The following STPG2 variants were observed in gnomAD, a reference collection of about 807,000 sequenced individuals.
The protein encoded by STPG2 is sperm tail PG-rich repeat containing 2.
STPG2 carries 56 observed loss-of-function variants against 54.2 expected under a neutral mutation model. The observed-to-expected ratio is 1.03, with a 90% confidence interval of 0.83 to 1.29. The LOEUF is 1.29. Ranked by LOEUF, STPG2 falls within the 50% of genes most tolerant of loss-of-function variation. The pLI is 0.00. For missense variants in STPG2, 596 were observed against 544.9 expected (o/e 1.09, Z -0.93); for synonymous variants, 200 against 181.8 (o/e 1.10, Z -0.81).
intron 10 of STPG2, among the ~76,000 whole-genome samples, chr4:97,708,049 T>C (rs895905018): frequency 1.3e-5 from 2 of 152,116 alleles, no homozygotes; most frequent in Non-Finnish European, 2.9e-5. Flanking sequence ...GACTTTCTAC[T>C]CTCTTAAATG....
chr4:97,970,385 C>A (rs926210682), intron 7 of STPG2, among the ~76,000 whole-genome samples: 10 of 152,168 alleles, frequency 6.6e-5, no homozygotes, highest in African/African-American at 2.4e-4. Context: ...AAGCTGGAGG[C>A]ATCATGCTAC....
intron 9 of STPG2, among the ~76,000 whole-genome samples, chr4:97,811,083 A>G (rs1727723725): frequency 6.6e-6 from 1 of 152,116 alleles, no homozygotes; most frequent in African/African-American, 2.4e-5. Flanking sequence ...GCTCCTTTGT[A>G]AAAAGACATT....
rs771964953 is a variant in STPG2 at position 97,559,012 on chromosome 4, CT to C, written c.*45del. 8 of 1,445,660 alleles carry C rather than the reference CT, an allele frequency of 5.5e-6. No homozygotes were observed. In the African/African-American group the frequency reaches 1.1e-4, roughly 21 times the overall value. The allele number at this position is 1,445,660 out of a possible 1,614,324, so 89.6% of individuals were successfully genotyped here. On this transcript the variant is annotated 3_prime_UTR_variant, in exon 11 of 11. Coordinates refer to ENST00000295268, the MANE Select transcript of STPG2 (RefSeq NM_174952.3). ...TTTGTTAAAATGACAAAGAAATAAA[CT>C]GACTTCCATGAAGTTGTTTTTTAAG...
At chr4:98,124,896 T>G (rs1250308388) in intron 3 of STPG2, among the ~76,000 whole-genome samples, 2 of 152,196 alleles carry the variant, frequency 1.3e-5, no homozygotes, top group Non-Finnish European at 1.5e-5. Flanking sequence ...TTTTCTCTAA[T>G]CATGTCTGCC....
intron 10 of STPG2, among the ~76,000 whole-genome samples, chr4:97,627,940 C>T (rs1405681598): frequency 6.6e-6 from 1 of 152,024 alleles, no homozygotes; most frequent in Non-Finnish European, 1.5e-5. Context: ...CAGTGAATTC[C>T]CTATTCCTCT....
At chr4:98,142,896 T>G (rs1304648736) in intron 1 of STPG2, 146 bp downstream of exon 1, 1 of 724,858 alleles carries the variant, frequency 1.4e-6, no homozygotes, top group Non-Finnish European at 2.5e-6. Context: ...AATAAAAGTA[T>G]AGTGTTTTCC....
intron 3 of STPG2, among the ~76,000 whole-genome samples, chr4:98,110,524 G>T (rs1419936340): frequency 6.6e-6 from 1 of 152,072 alleles, no homozygotes; most frequent in East Asian, 1.9e-4. Flanking sequence ...CATGTGAACA[G>T]CCCACCCCAA....
intron 4 of STPG2, among the ~76,000 whole-genome samples, chr4:97,539,191 A>T (rs1731625100): frequency 6.6e-6 from 1 of 152,226 alleles, no homozygotes; most frequent in Non-Finnish European, 1.5e-5. Flanking sequence ...CACACATAAC[A>T]ATATTAACCT....
At chr4:97,699,966 G>A (rs927797932) in intron 10 of STPG2, among the ~76,000 whole-genome samples, 1 of 152,142 alleles carries the variant, frequency 6.6e-6, no homozygotes, top group African/African-American at 2.4e-5. Context: ...CCCACTTTAT[G>A]GCTACATGGG....
intron 10 of STPG2, among the ~76,000 whole-genome samples, chr4:97,672,510 A>G (rs1578469445): frequency 6.6e-6 from 1 of 152,148 alleles, no homozygotes; most frequent in Non-Finnish European, 1.5e-5. Context: ...TTTTCTTTAC[A>G]TCAGTATTAA....
intron 4 of STPG2, among the ~76,000 whole-genome samples, chr4:97,525,463 T>C (rs1053563016): frequency 6.6e-6 from 1 of 151,884 alleles, no homozygotes; most frequent in African/African-American, 2.4e-5. Flanking sequence ...CCAAAGGCTA[T>C]TGTAATCTAA....
chr4:98,084,015 A>G (rs530507440), intron 5 of STPG2, among the ~76,000 whole-genome samples: 11 of 151,932 alleles, frequency 7.2e-5, no homozygotes, highest in Admixed American at 6.6e-4. Context: ...TACCCCACCC[A>G]GCTGTTTTGT....
At chr4:97,613,982 A>C (rs1378352864) in intron 10 of STPG2, among the ~76,000 whole-genome samples, 1 of 152,106 alleles carries the variant, frequency 6.6e-6, no homozygotes, top group African/African-American at 2.4e-5. Context: ...ACAACTAATA[A>C]TGGCTTATTG....
At chr4:97,540,612 C>T (rs929639392) in intron 4 of STPG2, among the ~76,000 whole-genome samples, 1 of 149,928 alleles carries the variant, frequency 6.7e-6, no homozygotes, top group Non-Finnish European at 1.5e-5. Flanking sequence ...GGAATCCTCC[C>T]TCTTTTATGA....
intron 8 of STPG2, among the ~76,000 whole-genome samples, chr4:97,907,696 C>A (rs950799766): frequency 2.6e-5 from 4 of 152,044 alleles, no homozygotes; most frequent in Non-Finnish European, 4.4e-5. Flanking sequence ...CAGAACAGAG[C>A]CCTCAGAAAT....
chr4:98,126,285 G>T (rs1739826675), intron 3 of STPG2, among the ~76,000 whole-genome samples: 1 of 152,216 alleles, frequency 6.6e-6, no homozygotes, highest in Non-Finnish European at 1.5e-5. Flanking sequence ...CTGCATCTCA[G>T]TGCCTGCCCA....
Position 97,497,363 on chromosome 4 carries a change from T to C in STPG2, c.462+215336A>G, listed in dbSNP as rs575898512. Among the ~76,000 whole-genome samples, 271 of 152,012 alleles carry C rather than the reference T, an allele frequency of 1.8e-3. 1 individual carries two copies. Among genetic ancestry groups the C allele is most frequent in the African/African-American group, 6.3e-3 (262 of 41,538 alleles). ...ATTTAACATTATTGATTATGTTACATAAACAAAATATGTGACTTCAATACA... is the reference window on the plus strand; with the variant it reads ...ATTTAACATTATTGATTATGTTACACAAACAAAATATGTGACTTCAATACA... On this transcript the variant is annotated intron_variant, in intron 4 of 4. Coordinates refer to the STPG2 transcript ENST00000522676.
intron 5 of STPG2, among the ~76,000 whole-genome samples, chr4:98,001,863 T>C (rs1337162211): frequency 6.6e-6 from 1 of 152,162 alleles, no homozygotes; most frequent in Non-Finnish European, 1.5e-5. Context: ...TTAGCAACTA[T>C]GAAATAACTA....
At chr4:98,064,243 A>G (rs1248193293) in intron 5 of STPG2, among the ~76,000 whole-genome samples, 3 of 152,216 alleles carry the variant, frequency 2.0e-5, no homozygotes, top group Admixed American at 1.3e-4. Context: ...GCTCTCTGAA[A>G]TGTTCATGAA....
Sources: gnomAD v4.1 joint callset for allele counts (sites outside exome capture counted in the v4.1 genomes callset) on GRCh38, gnomAD v4.1.1 for gene constraint, MANE v1.5 for transcripts, NCBI Gene and HGNC (gene_info 2026-07-23, HGNC 2026-07-21) for gene names.